SFXN2: variants seen among roughly 807,000 people sequenced by gnomAD.
SFXN2 encodes the protein sideroflexin 2, also known as sideroflexin-2.
A neutral mutation model predicts 41.9 loss-of-function variants in SFXN2; 37 were observed. The ratio of observed to expected loss-of-function variants is 0.88; its 90% CI spans 0.68 to 1.16. The LOEUF (loss-of-function observed/expected upper bound fraction) is 1.16, where lower values mean the gene tolerates loss of function less well. Ranked by LOEUF, SFXN2 falls within the 50% of genes most tolerant of loss-of-function variation. The probability of loss-of-function intolerance (pLI) is 0.00; values close to 1 mark genes in which losing one functional copy is unlikely to be tolerated. For missense variants in SFXN2, 386 were observed against 425.2 expected (o/e 0.91, Z 0.81); for synonymous variants, 150 against 156.7 (o/e 0.96, Z 0.32).
chr10:102,724,059 A>C (rs565054659), intron 1 of SFXN2, among the ~76,000 whole-genome samples: 3 of 151,906 alleles, frequency 2.0e-5, no homozygotes, highest in Non-Finnish European at 4.4e-5. Context: ...TTTAGCTCCC[A>C]CTTTTAAGTG....
intron 1 of SFXN2, 197 bp downstream of exon 1, chr10:102,714,878 G>T (rs2064382378): frequency 6.5e-6 from 1 of 152,758 alleles, no homozygotes; most frequent in South Asian, 2.1e-4. Context: ...CATTGCCTAG[G>T]AGTGCCAGGC....
intron 11 of SFXN2, among the ~76,000 whole-genome samples, chr10:102,736,344 G>A (rs1423853929): frequency 5.3e-5 from 8 of 151,028 alleles, no homozygotes; most frequent in Non-Finnish European, 7.4e-5. Context: ...CACAGCCTCC[G>A]CCTCCCAGTT....
intron 10 of SFXN2, 126 bp downstream of exon 10, chr10:102,733,729 A>ATC (rs1444262495): frequency 3.8e-6 from 3 of 789,410 alleles, no homozygotes; most frequent in Non-Finnish European, 6.5e-6. Context: ...CAAGCTCAGA[A>ATC]TACCTGTGGT....
rs1257532457 is a variant in SFXN2, at chr10:102,735,888, G to A, written c.848G>A (p.Cys283Tyr). ...CFLIFMVPVA[C>Y]GLFPQKCELP... ...CTCATCTTCATGGTGCCAGTGGCGT[G>A]TGGGCTTTTCCCACAGAAATGGTAT... Residue 283 changes from cysteine to tyrosine, a missense_variant, in exon 11 of 12, where the codon TGT becomes TAT. By Grantham distance (194) the Cys-to-Tyr change is radical. Transcript: ENST00000369893. The A allele has an allele frequency of 6.2e-7, 1 of 1,614,168 alleles. No homozygotes were observed. Among genetic ancestry groups the A allele is most frequent in the Non-Finnish European group, 8.5e-7 (1 of 1,180,026 alleles).
chr10:102,736,423 A>G (rs1430721368), intron 11 of SFXN2, among the ~76,000 whole-genome samples: 1 of 124,784 alleles, frequency 8.0e-6, no homozygotes, highest in Non-Finnish European at 1.6e-5. Flanking sequence ...TGCCCAGCTC[A>G]TTTTTTTTTT....
Position 102,731,590 on chromosome 10 carries a change from G to A in SFXN2, c.594-133G>A. 3 of 707,312 alleles carry A rather than the reference G, an allele frequency of 4.2e-6. No individual in the cohort carries two copies. The South Asian group carries it at 4.9e-5, about 12-fold the overall frequency. The allele number at this position is 707,312 out of a possible 1,614,324, so 43.8% of individuals were successfully genotyped here. A position where few individuals can be genotyped will look rare whatever the true frequency, so the allele number is the denominator to read the frequency against. On this transcript the variant is annotated intron_variant, in intron 6 of 11. Transcript: ENST00000369893. ...ACTGCTTATTGGAGTGCAGAAGGAA[G>A]GTCAAAGGCCCAGGCTACAGGAGGT...
rs1455376554 is a variant in SFXN2, at chr10:102,734,259, A to G, written c.821+656A>G. Among the ~76,000 whole-genome samples the G allele has an allele frequency of 6.6e-6, 1 of 152,146 alleles. No individual in the cohort carries two copies. Among genetic ancestry groups the G allele is most frequent in the Non-Finnish European group, 1.5e-5 (1 of 68,020 alleles). On this transcript the variant is annotated intron_variant, in intron 10 of 11. Transcript: ENST00000369893. This position sits in a 1 kb window ranked among gnomAD's most constrained non-coding sequence, Gnocchi z 4.1. ...TGTCCCAGACTCACACAGGAGGGAA[A>G]TGCCACCAGTCACGTCAGGGTTCTT...
chr10:102,722,615 G>A (rs2136033924), intron 1 of SFXN2, among the ~76,000 whole-genome samples: 1 of 152,134 alleles, frequency 6.6e-6, no homozygotes, highest in East Asian at 1.9e-4. Flanking sequence ...GTTCACTGCA[G>A]GCTTAGCCTT....
intron 1 of SFXN2, among the ~76,000 whole-genome samples, chr10:102,718,140 C>T (rs1246218742): frequency 6.6e-6 from 1 of 152,204 alleles, no homozygotes; most frequent in Non-Finnish European, 1.5e-5. Flanking sequence ...CAGTTTCTAT[C>T]CTGACTTCAA....
At chr10:102,725,112 G>C (rs963128821) in intron 1 of SFXN2, 1 of 152,106 alleles carries the variant, frequency 6.6e-6, no homozygotes. Context: ...TGGGTCTCTA[G>C]AGACTTCTTA....
chr10:102,731,903 C>A (rs997508766), intron 7 of SFXN2, 120 bp downstream of exon 7: 15 of 874,706 alleles, frequency 1.7e-5, no homozygotes, highest in Admixed American at 5.2e-5. Context: ...GCTCCATCCT[C>A]ACTCCCTATC....
At chr10:102,729,684 C>G in intron 5 of SFXN2, 39 bp from the exon 6 acceptor site, 1 of 1,593,876 alleles carries the variant, frequency 6.3e-7, no homozygotes, top group Non-Finnish European at 8.6e-7. Flanking sequence ...CATCTTCCAG[C>G]GCTTCTGAAC....
intron 1 of SFXN2, chr10:102,724,913 G>GTTTTTTT (rs200568019): frequency 7.0e-6 from 1 of 142,132 alleles, no homozygotes; most frequent in Non-Finnish European, 1.5e-5. Context: ...TTCAAACTGC[G>GTTTTTTT]TTTTTTTTTT....
intron 1 of SFXN2, among the ~76,000 whole-genome samples, chr10:102,720,572 C>T (rs1343455813): frequency 6.6e-6 from 1 of 151,376 alleles, no homozygotes; most frequent in Non-Finnish European, 1.5e-5. Flanking sequence ...GATCATACCA[C>T]TGTACTCCCA....
Position 102,743,378 on chromosome 10 carries a change from C to A in SFXN2, c.*5616C>A, listed in dbSNP as rs969001636. 2 of 152,218 alleles carry A rather than the reference C, an allele frequency of 1.3e-5. No individual in the cohort carries two copies. The highest frequency in any genetic ancestry group is 2.9e-5 in the Non-Finnish European group (2 of 68,044). 9.4% of individuals were successfully genotyped at this position (152,218 alleles called of 1,614,324 possible). ...ATGCCTCAGATAAAGGTACTATCTT[C>A]TAGGGAATTCAAACGGACCTAAGCT... On this transcript the variant is annotated 3_prime_UTR_variant, in exon 12 of 12. Transcript: ENST00000369893.
chr10:102,726,733 C>T lies in SFXN2; in HGVS notation c.97C>T (p.Pro33Ser), dbSNP rs139182273. The T allele has an allele frequency of 1.2e-6, 2 of 1,614,028 alleles. No individual in the cohort carries two copies. The highest frequency in any genetic ancestry group is 8.5e-7 in the Non-Finnish European group (1 of 1,180,030). The change falls in exon 2 of 12, where the codon CCC becomes TCC. Residue 33 changes from proline (P) to serine (S), a missense_variant. Pro to Ser is a moderately conservative substitution (Grantham distance 74, BLOSUM62 -1). Transcript: ENST00000369893. ...RVKHFLNITDPRTVFVSEREL... is the reference protein window; with the variant it reads ...RVKHFLNITDSRTVFVSEREL... The stretch of plus-strand genomic sequence containing the variant: ...GAAGCACTTCCTAAACATCACGGAC[C>T]CCCGCACTGTCTTTGTATCTGAGCG...
chr10:102,738,219 A>G lies in SFXN2; in HGVS notation c.*457A>G, dbSNP rs1300307566. On this transcript the variant is annotated 3_prime_UTR_variant, in exon 12 of 12. Coordinates refer to ENST00000369893, the MANE Select transcript of SFXN2 (RefSeq NM_178858.6). The stretch of plus-strand genomic sequence containing the variant: ...AATTCTAGCTGAACTCAGGAAAAAG[A>G]AGGGGGAAAGGACTCTGTCCCCTTG... 3 of 152,344 alleles carry G rather than the reference A, an allele frequency of 2.0e-5. No individual in the cohort carries two copies. Among genetic ancestry groups the G allele is most frequent in the African/African-American group, 7.2e-5 (3 of 41,426 alleles). The allele number at this position is 152,344 out of a possible 1,614,324, so 9.4% of individuals were successfully genotyped here. A position where few individuals can be genotyped will look rare whatever the true frequency, so the allele number is the denominator to read the frequency against.
intron 4 of SFXN2, among the ~76,000 whole-genome samples, chr10:102,729,088 G>T (rs777590922): frequency 5.9e-5 from 9 of 152,218 alleles, no homozygotes; most frequent in Non-Finnish European, 1.2e-4. Context: ...GAGCAGCCGT[G>T]TGCAGAGGCT....
intron 1 of SFXN2, among the ~76,000 whole-genome samples, chr10:102,717,355 T>C (rs1043937830): frequency 6.6e-6 from 1 of 152,014 alleles, no homozygotes; most frequent in African/African-American, 2.4e-5. Context: ...ATGGTCTCGA[T>C]CTGACCTCGT....
Sources: gnomAD v4.1 joint callset for allele counts (sites outside exome capture counted in the v4.1 genomes callset) on GRCh38, gnomAD v4.1.1 for gene constraint, Gnocchi (gnomAD v3.1) non-coding constraint, MANE v1.5 for transcripts, NCBI Gene and HGNC (gene_info 2026-07-23, HGNC 2026-07-21) for gene names.